The following NLRP1 variants were observed in gnomAD, a reference collection of about 807,000 sequenced individuals.
The protein encoded by NLRP1 is NLR family pyrin domain containing 1.
NLRP1 carries 94 observed loss-of-function variants against 136.7 expected under a neutral mutation model. The observed-to-expected ratio is 0.69, with a 90% CI of 0.58 to 0.82. The LOEUF (loss-of-function observed/expected upper bound fraction) is 0.82. NLRP1 is among the 40% of genes least tolerant of loss of function. NLRP1 has a pLI of 0.00. For synonymous variants in NLRP1, 690 were observed against 725.1 expected (o/e 0.95, Z 0.78); for missense variants, 1,575 against 1,802.7 (o/e 0.87, Z 2.29).
intron 15 of NLRP1, chr17:5,503,098 G>T (rs1269782740): frequency 6.6e-6 from 1 of 151,394 alleles, no homozygotes; most frequent in Non-Finnish European, 1.5e-5. Flanking sequence ...GCAATGGGAG[G>T]GTTTTCAAGG....
rs35006823 is a variant in NLRP1 at position 5,533,551 on chromosome 17, G to GTT, written c.3053-169_3053-168dup. On this transcript the variant is annotated intron_variant, in intron 9 of 16. Coordinates refer to ENST00000572272, the MANE Select transcript of NLRP1 (RefSeq NM_033004.4). Reference sequence around the variant, plus strand: ...AGCCTGAACACTAGAGTGAGACTCTGTTTTTTTTTTTTTTTTTTTTTTTTT... The same window carrying GTT: ...AGCCTGAACACTAGAGTGAGACTCTGTTTTTTTTTTTTTTTTTTTTTTTTTTT... 5.8e-3 allele frequency among the ~76,000 whole-genome samples: 524 copies of GTT among 90,004 alleles called. 19 individuals carry two copies. Among genetic ancestry groups the GTT allele is most frequent in the East Asian group, 0.048 (147 of 3,038 alleles). The allele number at this position is 90,004 out of a possible 152,430, so 59.0% of individuals were successfully genotyped here.
rs1260828331 is a variant in NLRP1, at chr17:5,504,924, G to C, written c.4070-3052C>G. On this transcript the variant is annotated intron_variant, in intron 15 of 15. Coordinates refer to the NLRP1 transcript ENST00000262467. This position sits in a 1 kb window ranked among gnomAD's most constrained non-coding sequence, Gnocchi z 4.4. ...ATGCCCAGCTGAGGAAACAGGCTTTGGTGGTGGTGGTGGTGGTGGGGTGTA... is the reference window on the plus strand; with the variant it reads ...ATGCCCAGCTGAGGAAACAGGCTTTCGTGGTGGTGGTGGTGGTGGGGTGTA... 6.5e-6 allele frequency: 1 copy of C among 153,422 alleles called. No individual in the cohort carries two copies. The highest frequency in any genetic ancestry group is 1.5e-5 in the Non-Finnish European group (1 of 68,300). 9.5% of individuals were successfully genotyped at this position (153,422 alleles called of 1,614,324 possible). A position where few individuals can be genotyped will look rare whatever the true frequency, so the allele number is the denominator to read the frequency against.
downstream of NLRP1, among the ~76,000 whole-genome samples, chr17:5,510,815 G>A (rs1004425840): frequency 5.9e-5 from 9 of 152,062 alleles, no homozygotes; most frequent in African/African-American, 1.7e-4. Context: ...ACATGGGTGC[G>A]TATTTCGTAT....
At chr17:5,566,726 G>C (rs770879193) in intron 3 of NLRP1, among the ~76,000 whole-genome samples, 1 of 152,074 alleles carries the variant, frequency 6.6e-6, no homozygotes, top group African/African-American at 2.4e-5. Flanking sequence ...CTGATTTTCT[G>C]TCTGGAAGAT....
intron 5 of NLRP1, among the ~76,000 whole-genome samples, chr17:5,543,163 GAGCAGGGTCT>G (rs1193465812): frequency 1.3e-5 from 2 of 152,072 alleles, no homozygotes; most frequent in African/African-American, 4.8e-5. Flanking sequence ...CCAGTGCCCA[GAGCAGGGTCT>G]AGCATACAGT....
At chr17:5,516,993 T>C (rs1185687315) in intron 15 of NLRP1, among the ~76,000 whole-genome samples, 2 of 152,216 alleles carry the variant, frequency 1.3e-5, no homozygotes, top group East Asian at 3.8e-4. Context: ...AAATTTATTA[T>C]TTGATTTCCT....
intron 8 of NLRP1, among the ~76,000 whole-genome samples, chr17:5,535,308 A>T (rs1200054365): frequency 6.6e-6 from 1 of 151,974 alleles, no homozygotes; most frequent in Non-Finnish European, 1.5e-5. Context: ...TTGCAGTTCT[A>T]TCGAGCTCCC....
intron 3 of NLRP1, among the ~76,000 whole-genome samples, chr17:5,564,397 C>T (rs1316949108): frequency 1.3e-5 from 2 of 152,124 alleles, no homozygotes; most frequent in South Asian, 4.1e-4. Flanking sequence ...CTCTCTATGT[C>T]CATGAGTTCA....
In NLRP1 at chr17:5,520,926, G is replaced by T. The variant is rs764746695; in HGVS notation, c.3870C>A (p.Tyr1290Ter). Reference sequence around the variant, plus strand: ...TCCCTGAACCAGACCCAGACACAGTGTAACGACAGCCCATATAAAGTGGGG... The same window carrying T: ...TCCCTGAACCAGACCCAGACACAGTTTAACGACAGCCCATATAAAGTGGGG... ...PLTPLYMGCR[Y>*]TVSGSGSGML... The change falls in exon 14 of 17, where the codon TAC becomes TAA. Residue 1290 changes from tyrosine (Y) to a stop codon, truncating the protein, a stop_gained. Coordinates refer to ENST00000572272, the MANE Select transcript of NLRP1 (RefSeq NM_033004.4). LOFTEE classifies it high-confidence loss of function. 1 of 1,612,072 alleles carries T rather than the reference G, an allele frequency of 6.2e-7. No homozygotes were observed. Among genetic ancestry groups the T allele is most frequent in the Non-Finnish European group, 8.5e-7 (1 of 1,178,998 alleles).
intron 8 of NLRP1, among the ~76,000 whole-genome samples, chr17:5,535,895 G>GC (rs1205285388): frequency 2.0e-5 from 3 of 152,174 alleles, no homozygotes; most frequent in African/African-American, 7.2e-5. Flanking sequence ...CCCGGGGCTT[G>GC]CCCCTCAAGT....
intron 3 of NLRP1, among the ~76,000 whole-genome samples, chr17:5,572,018 C>T (rs542420426): frequency 4.6e-5 from 7 of 152,018 alleles, no homozygotes; most frequent in Admixed American, 2.0e-4. Flanking sequence ...CTATTCAATA[C>T]GTGATGCTGA....
At position 5,507,672 on chromosome 17, in the gene NLRP1, A is replaced by C. The variant is rs545829001; in HGVS notation, c.4070-5800T>G. Among the ~76,000 whole-genome samples the C allele has an allele frequency of 7.9e-5, 12 of 152,340 alleles. No individual in the cohort carries two copies. The East Asian group carries it at 2.3e-3, about 29-fold the overall frequency. On this transcript the variant is annotated intron_variant, in intron 15 of 15. Coordinates refer to the NLRP1 transcript ENST00000262467. ...ACCCCGTCTCTATTAAAGATACAAA[A>C]AATTATCCAGGCATGGTGGCACGTG...
intron 5 of NLRP1, among the ~76,000 whole-genome samples, chr17:5,545,115 C>T (rs1019123790): frequency 2.0e-5 from 3 of 152,124 alleles, no homozygotes; most frequent in African/African-American, 7.2e-5. Flanking sequence ...CTGGACTTTC[C>T]TATCCAGCCA....
At position 5,583,859 on chromosome 17, in the gene NLRP1, G is replaced by T. The variant is rs757234714; in HGVS notation, c.99C>A (p.His33Gln). The T allele has an allele frequency of 6.3e-7, 1 of 1,579,658 alleles. No homozygotes were observed. The highest frequency in any genetic ancestry group is 1.8e-5 in the Admixed American group (1 of 55,342). The change falls in exon 1 of 17, where the codon CAC (histidine) becomes CAA (glutamine). Residue 33 changes from histidine (H) to glutamine (Q), a missense_variant. Physicochemically the swap from His to Gln is conservative, Grantham distance 24. Transcript: ENST00000572272. This position sits in a 1 kb window ranked among gnomAD's most constrained non-coding sequence, Gnocchi z 4.5. The part of the protein sequence containing the change: ...EFQLLLANKA[H>Q]SRSSSGETPA... ...GTGTCTCACCCGAAGAGCTCCTGGA[G>T]TGCGCTTTATTGGCGAGCAGAAGCT...
At chr17:5,564,872 G>A (rs1006585833) in intron 3 of NLRP1, among the ~76,000 whole-genome samples, 1 of 151,486 alleles carries the variant, frequency 6.6e-6, no homozygotes, top group African/African-American at 2.4e-5. Context: ...CGAGTAGCTG[G>A]GACTACAGGT....
chr17:5,575,303 G>C (rs1904900921), intron 3 of NLRP1, among the ~76,000 whole-genome samples: 1 of 152,124 alleles, frequency 6.6e-6, no homozygotes, highest in Admixed American at 6.5e-5. Context: ...TGGGCTAAAT[G>C]CTCCGATTAA....
chr17:5,502,778 G>A (rs1479937009), intron 15 of NLRP1: 1 of 152,780 alleles, frequency 6.5e-6, no homozygotes, highest in Admixed American at 6.5e-5. Flanking sequence ...AGAGCTTGAA[G>A]GATGTCATGG....
rs780060988 is a variant in NLRP1, at chr17:5,582,825, T to C, written c.293A>G (p.Tyr98Cys). 5.6e-6 allele frequency: 9 copies of C among 1,611,848 alleles called. No individual in the cohort carries two copies. Among genetic ancestry groups the C allele is most frequent in the Non-Finnish European group, 6.8e-6 (8 of 1,178,806 alleles). The stretch of plus-strand genomic sequence containing the variant: ...CCCCAGGTGGGGTTCACTTGGGCTG[T>C]AGGGGAATGAGGGAGAGTGGCCTAC... ...EGAGHSPSFP[Y>C]SPSEPHLGSP... Residue 98 changes from tyrosine (Y) to cysteine (C), a missense_variant, in exon 2 of 17, where the codon TAC becomes TGC. By Grantham distance (194) the Tyr-to-Cys change is radical. Transcript: ENST00000572272.
intron 14 of NLRP1, among the ~76,000 whole-genome samples, chr17:5,519,929 T>C (rs1157154389): frequency 7.1e-6 from 1 of 140,040 alleles, no homozygotes; most frequent in Non-Finnish European, 1.5e-5. Flanking sequence ...CACTCTCGGC[T>C]CACTGCAACC....
Sources: gnomAD v4.1 joint callset for allele counts (sites outside exome capture counted in the v4.1 genomes callset) on GRCh38, gnomAD v4.1.1 for gene constraint, Gnocchi (gnomAD v3.1) non-coding constraint, MANE v1.5 for transcripts, NCBI Gene and HGNC (gene_info 2026-07-23, HGNC 2026-07-21) for gene names.